Variants in RBKS observed in about 807,000 individuals in gnomAD.
RBKS encodes ribokinase.
A neutral mutation model predicts 33.9 loss-of-function variants in RBKS; 33 were observed. That is an observed-to-expected ratio of 0.97 (90% confidence interval 0.74 to 1.30). The LOEUF (loss-of-function observed/expected upper bound fraction) is 1.30, where lower values mean the gene tolerates loss of function less well. Among genes scored for constraint, RBKS ranks in the 50% most tolerant of loss-of-function variants. RBKS has a pLI of 0.00. For missense variants in RBKS, 361 were observed against 392.6 expected (o/e 0.92, Z 0.68); for synonymous variants, 125 against 143.0 (o/e 0.87, Z 0.90).
intron 7 of RBKS, among the ~76,000 whole-genome samples, chr2:27,805,012 T>TAA (rs754170577): frequency 7.1e-6 from 1 of 140,676 alleles, no homozygotes; most frequent in African/African-American, 2.6e-5. Flanking sequence ...GACCTTGTCT[T>TAA]AAAAAAAAAA....
At chr2:27,887,144 T>C (rs1215765795) in intron 1 of RBKS, among the ~76,000 whole-genome samples, 2 of 152,190 alleles carry the variant, frequency 1.3e-5, no homozygotes, top group Non-Finnish European at 2.9e-5. Context: ...ACAAGAGTTC[T>C]TATAATGTAG....
chr2:27,836,295 G>A (rs1678517228), intron 5 of RBKS, among the ~76,000 whole-genome samples: 1 of 152,118 alleles, frequency 6.6e-6, no homozygotes, highest in Admixed American at 6.5e-5. Context: ...TCTGGGTTTT[G>A]CTTCAACATA....
chr2:27,784,187 T>G (rs1238497599), intron 7 of RBKS, among the ~76,000 whole-genome samples: 33 of 150,858 alleles, frequency 2.2e-4, no homozygotes, highest in East Asian at 1.2e-3. Flanking sequence ...GTTTCACCGT[T>G]TTAGCCGGGA....
At chr2:27,840,376 A>ACGCACGCGCG (rs1168650704) in intron 5 of RBKS, among the ~76,000 whole-genome samples, 6 of 144,296 alleles carry the variant, frequency 4.2e-5, no homozygotes, top group Non-Finnish European at 9.1e-5. Context: ...ACACACACAC[A>ACGCACGCGCG]CACACACACA....
rs149032283 is a variant in RBKS at position 27,837,048 on chromosome 2, A to G, written c.515-4271T>C. The stretch of plus-strand genomic sequence containing the variant: ...AGCACTTTGGGCGGCCGAGGCAGGC[A>G]GATCACGAGGATCGGGAGATTAAGA... On this transcript the variant is annotated intron_variant, in intron 5 of 7. Coordinates refer to ENST00000302188, the MANE Select transcript of RBKS (RefSeq NM_022128.3). The surrounding 1 kb of genome is among the most constrained non-coding windows in gnomAD (Gnocchi z 4.0). 0.018 allele frequency among the ~76,000 whole-genome samples: 2,701 copies of G among 152,116 alleles called. 33 individuals are homozygous for G. The highest frequency in any genetic ancestry group is 0.024 in the Non-Finnish European group (1,657 of 68,020).
intron 7 of RBKS, among the ~76,000 whole-genome samples, chr2:27,823,910 T>C (rs1678264536): frequency 6.6e-6 from 1 of 152,200 alleles, no homozygotes; most frequent in African/African-American, 2.4e-5. Context: ...TCATGCATCA[T>C]AAAATTCACT....
At position 27,890,164 on chromosome 2, in the gene RBKS, G is replaced by A. The variant is rs551447527; in HGVS notation, c.89+93C>T. 122 of 1,198,776 alleles carry A rather than the reference G, an allele frequency of 1.0e-4. 2 individuals are homozygous for A. The African/African-American group carries it at 1.6e-3, about 16-fold the overall frequency. The allele number at this position is 1,198,776 out of a possible 1,614,324, so 74.3% of individuals were successfully genotyped here. ...CCCAAAGCTAGCACTGTCTATCCCT[G>A]GAGACCCAGCGCCCAAAAGCTCCAC... is the stretch of plus-strand genomic sequence containing the variant. On this transcript the variant is annotated intron_variant, in intron 1 of 7. Coordinates refer to ENST00000302188, the MANE Select transcript of RBKS (RefSeq NM_022128.3). The surrounding 1 kb of genome is among the most constrained non-coding windows in gnomAD (Gnocchi z 4.8).
chr2:27,835,147 G>A lies in RBKS; in HGVS notation c.515-2370C>T, dbSNP rs543124920. ...AAAAATTAGCCAGGCATGGTGGTGC[G>A]TGCCTGTAATCCCAGCTACTCCAGA... On this transcript the variant is annotated intron_variant, in intron 5 of 7. Coordinates refer to ENST00000302188, the MANE Select transcript of RBKS (RefSeq NM_022128.3). Among the ~76,000 whole-genome samples, 3 of 151,802 alleles carry A rather than the reference G, an allele frequency of 2.0e-5. No homozygotes were observed. The East Asian group carries it at 5.8e-4, about 30-fold the overall frequency.
At chr2:27,833,551 G>T (rs1678464484) in intron 5 of RBKS, among the ~76,000 whole-genome samples, 1 of 152,134 alleles carries the variant, frequency 6.6e-6, no homozygotes, top group Non-Finnish European at 1.5e-5. Flanking sequence ...AGCTCAGAAA[G>T]ATGAGGTCCT....
intron 7 of RBKS, among the ~76,000 whole-genome samples, chr2:27,786,475 G>C (rs1164252256): frequency 6.6e-6 from 1 of 152,120 alleles, no homozygotes; most frequent in Non-Finnish European, 1.5e-5. Flanking sequence ...CTGCAGACAA[G>C]GTTTTTTAGA....
intron 1 of RBKS, among the ~76,000 whole-genome samples, chr2:27,861,199 C>T (rs1178779327): frequency 6.6e-6 from 1 of 152,082 alleles, no homozygotes; most frequent in African/African-American, 2.4e-5. Context: ...AACTTTTGGC[C>T]TTAAGTGATC....
intron 5 of RBKS, among the ~76,000 whole-genome samples, chr2:27,834,375 A>G (rs1678476198): frequency 6.6e-6 from 1 of 152,240 alleles, no homozygotes; most frequent in Admixed American, 6.5e-5. Flanking sequence ...AGATTTTTGT[A>G]TAGAGTTATT....
At chr2:27,872,425 G>A (rs1664234719) in intron 1 of RBKS, among the ~76,000 whole-genome samples, 1 of 151,624 alleles carries the variant, frequency 6.6e-6, no homozygotes, top group South Asian at 2.1e-4. Flanking sequence ...CACATTGAAG[G>A]GTGAAAAGAA....
chr2:27,789,986 T>TAGAA (rs1553374181), intron 7 of RBKS, among the ~76,000 whole-genome samples: 1 of 130,938 alleles, frequency 7.6e-6, no homozygotes, highest in African/African-American at 2.9e-5. Flanking sequence ...TATATATATG[T>TAGAA]AGAGAGAGAG....
intron 1 of RBKS, among the ~76,000 whole-genome samples, chr2:27,888,486 T>C (rs1222614076): frequency 6.6e-6 from 1 of 152,226 alleles, no homozygotes; most frequent in African/African-American, 2.4e-5. Context: ...AACATTTAGC[T>C]TGGTGGATTT....
chr2:27,836,626 C>T (rs1245749515), intron 5 of RBKS, among the ~76,000 whole-genome samples: 1 of 152,030 alleles, frequency 6.6e-6, no homozygotes, highest in Non-Finnish European at 1.5e-5. Context: ...GCAACTGTAA[C>T]AAAAACAAAA....
chr2:27,796,594 A>C (rs1677670569), intron 7 of RBKS, among the ~76,000 whole-genome samples: 1 of 151,938 alleles, frequency 6.6e-6, no homozygotes, highest in Admixed American at 6.5e-5. Flanking sequence ...CTGGGGAATC[A>C]GGGAAGCGCA....
chr2:27,817,498 T>TTTC (rs1353934032), intron 7 of RBKS, among the ~76,000 whole-genome samples: 9 of 152,138 alleles, frequency 5.9e-5, no homozygotes, highest in African/African-American at 2.2e-4. Flanking sequence ...TATTAGTCCA[T>TTTC]TTTCACACTG....
At chr2:27,888,663 A>C (rs1459387376) in intron 1 of RBKS, among the ~76,000 whole-genome samples, 1 of 152,230 alleles carries the variant, frequency 6.6e-6, no homozygotes, top group East Asian at 1.9e-4. Flanking sequence ...CAGTAAAATC[A>C]ATTGCTATAT....
Sources: allele counts gnomAD v4.1 joint callset (sites outside exome capture counted in the v4.1 genomes callset), GRCh38; gene constraint gnomAD v4.1.1; non-coding constraint Gnocchi (gnomAD v3.1); transcripts MANE v1.5; gene names NCBI Gene and HGNC (gene_info 2026-07-23, HGNC 2026-07-21).